Variants in DDX60 observed in about 807,000 individuals in gnomAD.
The protein encoded by DDX60 is DExD/H-box helicase 60, also known as probable ATP-dependent RNA helicase DDX60.
Under a neutral mutation model 212.8 loss-of-function variants are expected in DDX60, and 165 were observed. The observed-to-expected ratio is 0.78, with a 90% CI of 0.68 to 0.88. DDX60 has a LOEUF of 0.88. DDX60 is among the 40% of genes least tolerant of loss of function. DDX60 has a pLI of 0.00. For synonymous variants in DDX60, 703 were observed against 685.3 expected, an observed-to-expected ratio of 1.03 and a Z score of -0.40; for missense variants, 1,905 against 2,003.9, an observed-to-expected ratio of 0.95 and a Z score of 0.94.
chr4:168,290,163 G>A (rs1344169634), intron 8 of DDX60, among the ~76,000 whole-genome samples: 6 of 152,096 alleles, frequency 3.9e-5, no homozygotes, highest in African/African-American at 1.4e-4. Context: ...TGCTGTGATA[G>A]ATGTATCTCA....
intron 33 of DDX60, among the ~76,000 whole-genome samples, chr4:168,230,623 A>G (rs1014108667): frequency 2.0e-5 from 3 of 152,196 alleles, no homozygotes; most frequent in African/African-American, 7.2e-5. Context: ...AGAAACTTAA[A>G]AAGTCTTTGA....
chr4:168,296,096 A>G (rs952704079), intron 6 of DDX60, among the ~76,000 whole-genome samples: 1 of 152,204 alleles, frequency 6.6e-6, no homozygotes, highest in African/African-American at 2.4e-5. Flanking sequence ...CAGGATGACT[A>G]CAACCAATAA....
intron 27 of DDX60, 146 bp downstream of exon 27, chr4:168,252,363 T>C: frequency 2.1e-6 from 2 of 940,382 alleles, no homozygotes; most frequent in Non-Finnish European, 3.2e-6. Flanking sequence ...GAGTGATATG[T>C]AGCTAAAGGA....
intron 30 of DDX60, among the ~76,000 whole-genome samples, chr4:168,241,338 T>A (rs1320882504): frequency 2.0e-5 from 3 of 152,138 alleles, no homozygotes; most frequent in Non-Finnish European, 4.4e-5. Flanking sequence ...ACTTTGGAAT[T>A]GGGTACTAGG....
At chr4:168,224,434 T>G (rs1385801564) in intron 34 of DDX60, 49 bp from the exon 35 acceptor site, 6 of 1,574,964 alleles carry the variant, frequency 3.8e-6, no homozygotes, top group Non-Finnish European at 5.2e-6. Flanking sequence ...TCAGTCAAAT[T>G]GTCAAACCTC....
chr4:168,291,178 G>A lies in DDX60; in HGVS notation c.1041+570C>T, dbSNP rs558402678. 2.0e-5 allele frequency among the ~76,000 whole-genome samples: 3 copies of A among 151,874 alleles called. No individual in the cohort carries two copies. In the South Asian group the frequency reaches 6.2e-4, roughly 32 times the overall value. On this transcript the variant is annotated intron_variant, in intron 8 of 37. Transcript: ENST00000393743. The stretch of plus-strand genomic sequence containing the variant: ...AAAAATGATACTAATATTGTGAAAG[G>A]AAATAGAAAAACATGAAAAAATATA...
chr4:168,321,934 C>G (rs1041230923), upstream of DDX60, among the ~76,000 whole-genome samples: 1 of 152,110 alleles, frequency 6.6e-6, no homozygotes, highest in African/African-American at 2.4e-5. Context: ...CATTTTCAAA[C>G]AATAAGAAAA....
intron 25 of DDX60, among the ~76,000 whole-genome samples, chr4:168,257,837 A>G (rs1734474312): frequency 6.6e-6 from 1 of 152,234 alleles, no homozygotes; most frequent in Admixed American, 6.5e-5. Flanking sequence ...GGAGGAAGAT[A>G]AAAGGAAGCT....
intron 4 of DDX60, 33 bp from the exon 5 acceptor site, chr4:168,306,753 CA>C (rs1254050167): frequency 2.7e-6 from 4 of 1,473,060 alleles, no homozygotes; most frequent in Non-Finnish European, 3.7e-6. Context: ...CATTTTATTT[CA>C]AAATTATCAT....
At position 168,224,380 on chromosome 4, in the gene DDX60, T is replaced by C; in HGVS notation, c.4687A>G (p.Thr1563Ala). 1 of 1,611,422 alleles carries C rather than the reference T, an allele frequency of 6.2e-7. No homozygotes were observed. The highest frequency in any genetic ancestry group is 8.5e-7 in the Non-Finnish European group (1 of 1,178,256). Residue 1563 changes from threonine (T) to alanine (A), a missense_variant, in exon 35 of 38, where the codon ACA (threonine) becomes GCA (alanine). By Grantham distance (58) the Thr-to-Ala change is moderately conservative (BLOSUM62 0). Coordinates refer to ENST00000393743, the MANE Select transcript of DDX60 (RefSeq NM_017631.6). Reference protein sequence around the residue: ...YQLPLSKIKFTGKECEDSQLV... With the variant: ...YQLPLSKIKFAGKECEDSQLV... ...TGAGAGTCTTCACATTCTTTACCTG[T>C]GAATTCTGACAATAATAGTTAGGGA...
intron 22 of DDX60, 29 bp from the exon 23 acceptor site, chr4:168,262,816 T>C (rs1417117373): frequency 2.1e-6 from 3 of 1,455,614 alleles, no homozygotes; most frequent in Non-Finnish European, 2.8e-6. Flanking sequence ...AAATTTTTAC[T>C]CTTTATTTTA....
chr4:168,304,381 G>GA (rs1736784318), intron 5 of DDX60, among the ~76,000 whole-genome samples: 1 of 152,006 alleles, frequency 6.6e-6, no homozygotes, highest in Admixed American at 6.6e-5. Context: ...TATTTTAACA[G>GA]AAAAAAAGCT....
chr4:168,258,830 A>G (rs1031109668), intron 25 of DDX60, among the ~76,000 whole-genome samples: 2 of 152,190 alleles, frequency 1.3e-5, no homozygotes, highest in Non-Finnish European at 2.9e-5. Context: ...TCTTAAAAGT[A>G]GCAGATTAAA....
At chr4:168,294,030 GGCT>G in intron 6 of DDX60, 85 bp from the exon 7 acceptor site, 12 of 1,234,310 alleles carry the variant, frequency 9.7e-6, no homozygotes, top group Non-Finnish European at 1.3e-5. Context: ...GGTACTACTA[GGCT>G]TAATACATGT....
Position 168,275,325 on chromosome 4 carries a change from T to C in DDX60, c.2304+20A>G, listed in dbSNP as rs1220218415. The C allele has an allele frequency of 7.0e-6, 11 of 1,576,908 alleles. No individual in the cohort carries two copies. The African/African-American group carries it at 8.2e-5, about 12-fold the overall frequency. On this transcript the variant is annotated intron_variant, in intron 16 of 37. Coordinates refer to ENST00000393743, the MANE Select transcript of DDX60 (RefSeq NM_017631.6). ...TATAATAAGAAAATACAGTAATTTT[T>C]GTTTCATTTGCAGTATTACCTGCCA...
intron 26 of DDX60, among the ~76,000 whole-genome samples, chr4:168,254,817 G>T (rs893644370): frequency 6.6e-6 from 1 of 152,126 alleles, no homozygotes; most frequent in Non-Finnish European, 1.5e-5. Context: ...TTCATGGAAA[G>T]GAAGAGGTAG....
chr4:168,221,183 T>C (rs1733038673), intron 36 of DDX60, among the ~76,000 whole-genome samples: 1 of 152,148 alleles, frequency 6.6e-6, no homozygotes, highest in African/African-American at 2.4e-5. Flanking sequence ...CAAAATTGGT[T>C]TCCTGCTTTG....
At chr4:168,307,043 T>A (rs1330337880) in intron 4 of DDX60, among the ~76,000 whole-genome samples, 2 of 152,204 alleles carry the variant, frequency 1.3e-5, no homozygotes, top group Non-Finnish European at 2.9e-5. Context: ...GTGGTAGATA[T>A]AAATCATCTG....
At chr4:168,256,245 G>A (rs1734408125) in intron 25 of DDX60, among the ~76,000 whole-genome samples, 1 of 151,702 alleles carries the variant, frequency 6.6e-6, no homozygotes, top group African/African-American at 2.4e-5. Flanking sequence ...TTTATATGCA[G>A]AAGACAGATA....
Sources: allele counts gnomAD v4.1 joint callset (sites outside exome capture counted in the v4.1 genomes callset), GRCh38; gene constraint gnomAD v4.1.1; transcripts MANE v1.5; gene names NCBI Gene and HGNC (gene_info 2026-07-23, HGNC 2026-07-21).